The following ASAP2 variants were observed in gnomAD, a reference collection of about 807,000 sequenced individuals.
ASAP2 encodes the protein arf-GAP with SH3 domain, ANK repeat and PH domain-containing protein 2.
A neutral mutation model predicts 131.4 loss-of-function variants in ASAP2; 45 were observed. The ratio of observed to expected loss-of-function variants is 0.34; its 90% confidence interval spans 0.27 to 0.44. The LOEUF is 0.44. Among genes scored for constraint, ASAP2 ranks in the 20% least tolerant of loss-of-function variants. The pLI is 1.00. For missense variants in ASAP2, 1,011 were observed against 1,297.0 expected (o/e 0.78, Z 3.39); for synonymous variants, 510 against 503.0 (o/e 1.01, Z -0.19).
intron 2 of ASAP2, among the ~76,000 whole-genome samples, chr2:9,288,994 C>G (rs1667631124): frequency 6.6e-6 from 1 of 151,802 alleles, no homozygotes. Flanking sequence ...CTGTTACCAG[C>G]CCCCAGAAAA....
At position 9,297,347 on chromosome 2, in the gene ASAP2, G is replaced by A. The variant is rs777425864; in HGVS notation, c.247G>A (p.Gly83Ser). The part of the protein sequence containing the change: ...EQYTQALEKF[G>S]GNCVCRDDPD... ...GTACACCCAGGCTCTGGAGAAGTTT[G>A]GCGGCAACTGTGTATGCAGAGATGA... Residue 83 changes from glycine to serine, a missense_variant, in exon 3 of 28, where the codon GGC becomes AGC. Physicochemically the swap from Gly to Ser is moderately conservative, Grantham distance 56. Around this residue, in one of 2 missense-constraint regions of ASAP2, gnomAD observed 359 missense variants for 598.1 expected, o/e 0.60. Coordinates refer to ENST00000281419, the MANE Select transcript of ASAP2 (RefSeq NM_003887.3). 3 of 1,614,154 alleles carry A rather than the reference G, an allele frequency of 1.9e-6. No individual in the cohort carries two copies. The highest frequency in any genetic ancestry group is 1.7e-6 in the Non-Finnish European group (2 of 1,180,028).
At chr2:9,243,219 C>T (rs1471404194) in intron 1 of ASAP2, among the ~76,000 whole-genome samples, 1 of 152,226 alleles carries the variant, frequency 6.6e-6, no homozygotes, top group African/African-American at 2.4e-5. Flanking sequence ...CGCCATTCTC[C>T]TGCCTCAGCC....
chr2:9,387,088 C>T (rs776199299), intron 21 of ASAP2, among the ~76,000 whole-genome samples: 184 of 150,750 alleles, frequency 1.2e-3, no homozygotes, highest in Non-Finnish European at 1.8e-3. Context: ...TGGGGGGGCG[C>T]CTGTAGTCCC....
chr2:9,275,832 T>TA (rs1666726646), intron 1 of ASAP2, among the ~76,000 whole-genome samples: 3 of 152,238 alleles, frequency 2.0e-5, no homozygotes, highest in African/African-American at 7.2e-5. Context: ...AGGAAAGCAT[T>TA]AAAAAAACTA....
At chr2:9,262,049 A>G (rs527565485) in intron 1 of ASAP2, among the ~76,000 whole-genome samples, 2 of 152,138 alleles carry the variant, frequency 1.3e-5, no homozygotes, top group African/African-American at 4.8e-5. Context: ...GGGTGTTGCT[A>G]CGTTGCCCAG....
At chr2:9,346,480 G>A (rs1234511674) in intron 11 of ASAP2, among the ~76,000 whole-genome samples, 3 of 151,968 alleles carry the variant, frequency 2.0e-5, no homozygotes, top group African/African-American at 2.4e-5. Context: ...GGATGTGAGG[G>A]TATGAGTTCT....
At chr2:9,388,150 G>C (rs1675432959) in intron 21 of ASAP2, 144 bp from the exon 22 acceptor site, 1 of 985,602 alleles carries the variant, frequency 1.0e-6, no homozygotes, top group Non-Finnish European at 1.5e-6. Context: ...GCAACTTGTA[G>C]CTCTCAGGCA....
At position 9,231,868 on chromosome 2, in the gene ASAP2, C is replaced by T. The variant is rs78773801; in HGVS notation, c.126+24638C>T. On this transcript the variant is annotated intron_variant, in intron 1 of 27. Coordinates refer to ENST00000281419, the MANE Select transcript of ASAP2 (RefSeq NM_003887.3). ...GGTGAGGACTGAGAGCTGGGCTGTG[C>T]CCCTCCCACCCACTTGACCCAGCGG... Among the ~76,000 whole-genome samples, 236 of 152,308 alleles carry T rather than the reference C, an allele frequency of 1.5e-3. 1 individual carries two copies. Among genetic ancestry groups the T allele is most frequent in the African/African-American group, 5.2e-3 (217 of 41,564 alleles).
intron 11 of ASAP2, among the ~76,000 whole-genome samples, chr2:9,349,125 G>T (rs1047904591): frequency 1.3e-5 from 2 of 152,174 alleles, no homozygotes; most frequent in Non-Finnish European, 2.9e-5. Context: ...AAAATGTTTA[G>T]AACAGTGCCT....
At chr2:9,401,422 T>A (rs948546585) in intron 27 of ASAP2, 26 bp downstream of exon 27, 50 of 1,609,034 alleles carry the variant, frequency 3.1e-5, no homozygotes, top group Non-Finnish European at 4.2e-5. Flanking sequence ...GCCTGGGAGG[T>A]TCCTGGGGGC....
chr2:9,292,878 T>C (rs140608826), intron 2 of ASAP2, among the ~76,000 whole-genome samples: 283 of 151,960 alleles, frequency 1.9e-3, no homozygotes, highest in African/African-American at 6.6e-3. Context: ...AAAAAGGAGG[T>C]GATTGAAGGT....
intron 1 of ASAP2, among the ~76,000 whole-genome samples, chr2:9,209,114 T>C (rs1311528157): frequency 6.6e-6 from 1 of 152,232 alleles, no homozygotes; most frequent in Non-Finnish European, 1.5e-5. Flanking sequence ...GAGACTGGAT[T>C]TGGTCATTTC....
intron 3 of ASAP2, among the ~76,000 whole-genome samples, chr2:9,312,331 C>G (rs1022208122): frequency 6.6e-6 from 1 of 152,170 alleles, no homozygotes; most frequent in African/African-American, 2.4e-5. Flanking sequence ...CCAGAATCCC[C>G]CTCATTGACC....
At chr2:9,362,708 G>A (rs2148669932) in intron 15 of ASAP2, among the ~76,000 whole-genome samples, 1 of 152,242 alleles carries the variant, frequency 6.6e-6, no homozygotes, top group Non-Finnish European at 1.5e-5. Context: ...TGGGAGTGGT[G>A]GCAAGTACCT....
At chr2:9,330,224 C>T (rs1670740746) in intron 7 of ASAP2, among the ~76,000 whole-genome samples, 1 of 152,074 alleles carries the variant, frequency 6.6e-6, no homozygotes, top group Non-Finnish European at 1.5e-5. Context: ...AAGAGAGCTT[C>T]AGCCATTTAA....
chr2:9,384,743 C>T (rs1310356108), intron 20 of ASAP2, among the ~76,000 whole-genome samples: 1 of 152,228 alleles, frequency 6.6e-6, no homozygotes, highest in East Asian at 1.9e-4. Flanking sequence ...CCTCCAGGAC[C>T]CTCTGTGTGG....
chr2:9,358,437 G>A (rs1672855541), intron 14 of ASAP2, among the ~76,000 whole-genome samples: 1 of 152,156 alleles, frequency 6.6e-6, no homozygotes, highest in Non-Finnish European at 1.5e-5. Context: ...GATGGGCATG[G>A]TGTGTTTTCA....
intron 1 of ASAP2, among the ~76,000 whole-genome samples, chr2:9,255,887 G>A (rs1032610051): frequency 2.0e-5 from 3 of 152,166 alleles, no homozygotes; most frequent in Admixed American, 6.5e-5. Flanking sequence ...GCACAAGATC[G>A]TCTGATTTAT....
intron 1 of ASAP2, chr2:9,271,517 T>A: frequency 6.7e-7 from 1 of 1,490,478 alleles, no homozygotes; most frequent in Non-Finnish European, 9.4e-7. Context: ...CTGCCGTTTC[T>A]CTGTTGAATT....
Sources: allele counts gnomAD v4.1 joint callset (sites outside exome capture counted in the v4.1 genomes callset), GRCh38; gene constraint gnomAD v4.1.1; regional missense constraint gnomAD v4.1.1; transcripts MANE v1.5; gene names NCBI Gene and HGNC (gene_info 2026-07-23, HGNC 2026-07-21).